Variants in TEX10 observed in about 807,000 individuals in gnomAD.
TEX10 encodes testis-expressed protein 10.
In TEX10, 24 loss-of-function variants were observed where a neutral mutation model predicts 104.4. The observed-to-expected ratio is 0.23, with a 90% CI of 0.17 to 0.32. TEX10 has a LOEUF of 0.32. TEX10 is among the 10% of genes least tolerant of loss of function. TEX10 has a pLI of 1.00. For missense variants in TEX10, 921 were observed against 1,083.9 expected, an observed-to-expected ratio of 0.85 and a Z score of 2.11; for synonymous variants, 396 against 393.4, an observed-to-expected ratio of 1.01 and a Z score of -0.08.
chr9:100,331,780 C>G (rs1037164810), intron 5 of TEX10, among the ~76,000 whole-genome samples: 9 of 152,112 alleles, frequency 5.9e-5, no homozygotes, highest in African/African-American at 2.2e-4. Flanking sequence ...GAGTTACAGC[C>G]TATAAACAAA....
intron 8 of TEX10, 130 bp downstream of exon 8, chr9:100,327,657 G>T: frequency 1.9e-6 from 1 of 537,090 alleles, no homozygotes; most frequent in Non-Finnish European, 3.0e-6. Flanking sequence ...TTTTGTTCTG[G>T]CAATTTAACC....
chr9:100,322,616 T>G (rs1464460195), intron 9 of TEX10, among the ~76,000 whole-genome samples: 3 of 152,020 alleles, frequency 2.0e-5, no homozygotes, highest in African/African-American at 7.2e-5. Flanking sequence ...TATATTTATT[T>G]ATATATATAT....
At chr9:100,335,578 T>A (rs1834986183) in intron 5 of TEX10, among the ~76,000 whole-genome samples, 1 of 152,182 alleles carries the variant, frequency 6.6e-6, no homozygotes, top group Non-Finnish European at 1.5e-5. Flanking sequence ...CTTGTTTTTT[T>A]TTCAACTGTG....
chr9:100,320,435 CAAAA>C, intron 10 of TEX10, 37 bp from the exon 11 acceptor site: 4 of 1,537,614 alleles, frequency 2.6e-6, no homozygotes, highest in Non-Finnish European at 3.5e-6. Flanking sequence ...TTTAAAAAAA[CAAAA>C]AACAAAAAAC....
intron 10 of TEX10, 44 bp from the exon 11 acceptor site, chr9:100,320,442 C>CA (rs1834538571): frequency 6.5e-7 from 1 of 1,544,168 alleles, no homozygotes; most frequent in Admixed American, 2.0e-5. Flanking sequence ...AAACAAAAAA[C>CA]AAAAAACAAT....
chr9:100,302,840 G>A (rs557081405), intron 14 of TEX10, among the ~76,000 whole-genome samples: 1 of 152,174 alleles, frequency 6.6e-6, no homozygotes, highest in Non-Finnish European at 1.5e-5. Context: ...TGTGTTATAT[G>A]CATGTAAAAG....
chr9:100,341,519 CT>C (rs1835174224), intron 4 of TEX10, among the ~76,000 whole-genome samples: 1 of 48,660 alleles, frequency 2.1e-5, no homozygotes, highest in African/African-American at 1.3e-4. Context: ...TGGCATCATC[CT>C]TGACTCCTCT....
chr9:100,326,589 G>A, intron 8 of TEX10, 110 bp from the exon 9 acceptor site: 1 of 986,062 alleles, frequency 1.0e-6, no homozygotes, highest in Non-Finnish European at 1.4e-6. Flanking sequence ...ATTTTATGCT[G>A]AATTTTATGA....
intron 5 of TEX10, among the ~76,000 whole-genome samples, chr9:100,333,711 AT>A (rs1834934656): frequency 6.6e-6 from 1 of 151,908 alleles, no homozygotes; most frequent in South Asian, 2.1e-4. Flanking sequence ...CACACTCCCC[AT>A]TTTCAAGACT....
At position 100,320,387 on chromosome 9, in the gene TEX10, C is replaced by G; in HGVS notation, c.2080G>C (p.Glu694Gln). ...LFSTLTGFSK[E>Q]ELTWLQSLRG... ...AGGCTCTGAAGCCAAGTCAACTCCT[C>G]TTTCGAAAACCCTAATTCAGGTAAC... Residue 694 changes from glutamate to glutamine, a missense_variant, in exon 11 of 15, where the codon GAG becomes CAG. By Grantham distance (29) the Glu-to-Gln change is conservative. Around this residue, in one of 3 missense-constraint regions of TEX10, gnomAD observed 753 missense variants for 868.4 expected, o/e 0.87. Coordinates refer to ENST00000374902, the MANE Select transcript of TEX10 (RefSeq NM_017746.4). The G allele has an allele frequency of 6.2e-7, 1 of 1,608,366 alleles. No homozygotes were observed. The highest frequency in any genetic ancestry group is 8.5e-7 in the Non-Finnish European group (1 of 1,177,680).
At chr9:100,334,600 G>T (rs919592612) in intron 5 of TEX10, among the ~76,000 whole-genome samples, 1 of 151,822 alleles carries the variant, frequency 6.6e-6, no homozygotes, top group Non-Finnish European at 1.5e-5. Context: ...TTGCTTGAAA[G>T]CTCAAATTTT....
chr9:100,342,289 T>C (rs972590623), intron 4 of TEX10, among the ~76,000 whole-genome samples: 3 of 152,222 alleles, frequency 2.0e-5, no homozygotes, highest in Non-Finnish European at 4.4e-5. Flanking sequence ...TATACCCCAT[T>C]TTACTTTCAT....
At chr9:100,320,829 AG>A (rs1834551356) in intron 10 of TEX10, among the ~76,000 whole-genome samples, 1 of 152,208 alleles carries the variant, frequency 6.6e-6, no homozygotes, top group South Asian at 2.1e-4. Context: ...CCATCCCCCT[AG>A]GTGTTTTTAC....
intron 10 of TEX10, among the ~76,000 whole-genome samples, chr9:100,320,760 A>T (rs1426479175): frequency 6.6e-6 from 1 of 152,240 alleles, no homozygotes; most frequent in Non-Finnish European, 1.5e-5. Flanking sequence ...ATACTCCTAC[A>T]TATATATCAA....
Position 100,303,831 on chromosome 9 carries a change from C to T in TEX10, c.2477G>A (p.Trp826Ter). The T allele has an allele frequency of 6.2e-7, 1 of 1,613,932 alleles. No individual in the cohort carries two copies. The highest frequency in any genetic ancestry group is 8.5e-7 in the Non-Finnish European group (1 of 1,180,002). Residue 826 changes from tryptophan (W) to a stop codon, truncating the protein, a stop_gained, in exon 14 of 15, where the codon TGG (tryptophan) becomes TAG (stop). Coordinates refer to ENST00000374902, the MANE Select transcript of TEX10 (RefSeq NM_017746.4). LOFTEE classifies it high-confidence loss of function. The part of the protein sequence containing the change: ...AEHLRKRDKL[W>*]GVCVSILALL... Reference sequence around the variant, plus strand: ...AGCCAGGATGGAGACACAGACCCCCCACAGCTTGTCCCTACAATAACAGAG... The same window carrying T: ...AGCCAGGATGGAGACACAGACCCCCTACAGCTTGTCCCTACAATAACAGAG...
intron 13 of TEX10, chr9:100,307,924 A>G (rs1388162005): frequency 1.3e-5 from 2 of 152,208 alleles, no homozygotes; most frequent in Non-Finnish European, 2.9e-5. Flanking sequence ...AGCAGGTTTT[A>G]AAACCTTCTA....
At chr9:100,338,078 A>AT (rs1835057788) in intron 5 of TEX10, among the ~76,000 whole-genome samples, 1 of 152,034 alleles carries the variant, frequency 6.6e-6, no homozygotes, top group African/African-American at 2.4e-5. Flanking sequence ...TGCGACCCAC[A>AT]TTTTTTCCTT....
intron 9 of TEX10, among the ~76,000 whole-genome samples, chr9:100,323,345 C>A (rs1834621072): frequency 6.6e-6 from 1 of 152,134 alleles, no homozygotes; most frequent in Admixed American, 6.5e-5. Context: ...CTGTTCCTGG[C>A]AGACCAGGTC....
At chr9:100,329,014 G>T in intron 7 of TEX10, 126 bp downstream of exon 7, 1 of 1,063,620 alleles carries the variant, frequency 9.4e-7, no homozygotes, top group Non-Finnish European at 1.3e-6. Context: ...TTTCTTAAAT[G>T]CAAACAAGTA....
Sources: gnomAD v4.1 joint callset for allele counts (sites outside exome capture counted in the v4.1 genomes callset) on GRCh38, gnomAD v4.1.1 for gene constraint, gnomAD v4.1.1 regional missense constraint, MANE v1.5 for transcripts, NCBI Gene and HGNC (gene_info 2026-07-23, HGNC 2026-07-21) for gene names.